LAIR1: variants seen among roughly 807,000 people sequenced by gnomAD.
LAIR1 encodes leukocyte associated immunoglobulin like receptor 1, also known as leukocyte-associated immunoglobulin-like receptor 1.
LAIR1 carries 24 observed loss-of-function variants against 32.8 expected under a neutral mutation model. That is an observed-to-expected ratio of 0.73 (90% confidence interval 0.53 to 1.03). LAIR1 has a LOEUF of 1.03. Ranked by LOEUF, LAIR1 falls within the 50% of genes least tolerant of loss-of-function variation. The pLI is 0.00. For synonymous variants in LAIR1, 150 were observed against 140.5 expected, an observed-to-expected ratio of 1.07 and a Z score of -0.48; for missense variants, 355 against 347.5, an observed-to-expected ratio of 1.02 and a Z score of -0.17.
upstream of LAIR1, among the ~76,000 whole-genome samples, chr19:54,373,423 G>A (rs1222343398): frequency 1.3e-5 from 2 of 151,958 alleles, no homozygotes; most frequent in Admixed American, 6.5e-5. Context: ...CAGCCAGGGT[G>A]ACAGAGCGAG....
In LAIR1 at chr19:54,356,982, C is replaced by A; in HGVS notation, c.416-16G>T. On this transcript the variant is annotated splice_polypyrimidine_tract_variant and intron_variant, in intron 4 of 9. Coordinates refer to ENST00000391742, the MANE Select transcript of LAIR1 (RefSeq NM_002287.6). ...TGCGTGGGTCCTGGGAGGGAGGAAT[C>A]AGAAGGAGGAGGAGTTAGAGTCCTG... is the stretch of plus-strand genomic sequence containing the variant. 1 of 1,613,208 alleles carries A rather than the reference C, an allele frequency of 6.2e-7. No homozygotes were observed. Among genetic ancestry groups the A allele is most frequent in the Non-Finnish European group, 8.5e-7 (1 of 1,179,528 alleles).
At position 54,355,336 on chromosome 19, in the gene LAIR1, C is replaced by G; in HGVS notation, c.796G>C (p.Ala266Pro). ...HWALTQRTAR[A>P]VSPQSTKPMA... ...GGCTTTGTGGACTGTGGGGACACAG[C>G]CCGGGCTGTCCTCTGTGTGAGGGCC... Residue 266 changes from alanine to proline, a missense_variant, in exon 10 of 10, where the codon GCT becomes CCT. Ala to Pro is a conservative substitution (Grantham distance 27). Transcript: ENST00000391742. This position sits in a 1 kb window ranked among gnomAD's most constrained non-coding sequence, Gnocchi z 4.7. The G allele has an allele frequency of 1.2e-6, 2 of 1,613,180 alleles. No homozygotes were observed. The highest frequency in any genetic ancestry group is 2.2e-5 in the South Asian group (2 of 91,018).
Position 54,355,890 on chromosome 19 carries a change from A to G in LAIR1, c.717+64T>C. 1 of 1,142,758 alleles carries G rather than the reference A, an allele frequency of 8.8e-7. No homozygotes were observed. The highest frequency in any genetic ancestry group is 1.3e-6 in the Non-Finnish European group (1 of 750,582). The allele number at this position is 1,142,758 out of a possible 1,614,324, so 70.8% of individuals were successfully genotyped here. A position where few individuals can be genotyped will look rare whatever the true frequency, so the allele number is the denominator to read the frequency against. On this transcript the variant is annotated intron_variant, in intron 9 of 9. Transcript: ENST00000391742. This position sits in a 1 kb window ranked among gnomAD's most constrained non-coding sequence, Gnocchi z 4.7. ...GAGCCACTCCTGAATTCCTAACCCA[A>G]GGAACTGAGATTTTTTTAAGCTGCT... is the stretch of plus-strand genomic sequence containing the variant.
intron 5 of LAIR1, 140 bp downstream of exon 5, chr19:54,356,788 C>A (rs1045188801): frequency 8.2e-7 from 1 of 1,224,716 alleles, no homozygotes; most frequent in Non-Finnish European, 1.2e-6. Flanking sequence ...CCACCGGGGT[C>A]CTGAGTGCTG....
chr19:54,356,935 G>T lies in LAIR1; in HGVS notation c.447C>A (p.His149Gln), dbSNP rs760385377. The change falls in exon 5 of 10, where the codon CAC becomes CAA. Residue 149 changes from histidine (H) to glutamine (Q), a missense_variant. Coordinates refer to ENST00000391742, the MANE Select transcript of LAIR1 (RefSeq NM_002287.6). ...ACGGCCCCCATCACTCACGCTCATTGTGACTGTTGTCCGACGGCCTCTGCG... is the reference window on the plus strand; with the variant it reads ...ACGGCCCCCATCACTCACGCTCATTTTGACTGTTGTCCGACGGCCTCTGCG... ...GPTQRPSDNS[H>Q]NEHAPASQGL... is the part of the protein sequence containing the mutation. 221 of 1,613,824 alleles carry T rather than the reference G, an allele frequency of 1.4e-4. No homozygotes were observed. The highest frequency in any genetic ancestry group is 1.8e-4 in the Non-Finnish European group (217 of 1,179,952).
upstream of LAIR1, chr19:54,368,664 T>C (rs2082326488): frequency 6.6e-6 from 1 of 151,990 alleles, no homozygotes; most frequent in African/African-American, 2.4e-5. Flanking sequence ...TGGTTCCTTT[T>C]TGATATGTAT....
upstream of LAIR1, among the ~76,000 whole-genome samples, chr19:54,367,403 CT>C (rs2082288410): frequency 6.6e-6 from 1 of 152,112 alleles, no homozygotes. Flanking sequence ...AGCAATCCAT[CT>C]AAAAAATAAC....
At chr19:54,372,629 T>A (rs2082435534), upstream of LAIR1, among the ~76,000 whole-genome samples, 1 of 150,714 alleles carries the variant, frequency 6.6e-6, no homozygotes, top group Non-Finnish European at 1.5e-5. Context: ...TAACTGGGAT[T>A]ACAGGCATGC....
rs547396985 is a variant in LAIR1, at chr19:54,355,794, G to A, written c.717+160C>T. On this transcript the variant is annotated intron_variant, in intron 9 of 9. Transcript: ENST00000391742. This position sits in a 1 kb window ranked among gnomAD's most constrained non-coding sequence, Gnocchi z 4.7. ...GATCCTCCAGCCCACGGGAGCCTTCGGATGCACACAGCCCTGGGCGACCTC... is the reference window on the plus strand; with the variant it reads ...GATCCTCCAGCCCACGGGAGCCTTCAGATGCACACAGCCCTGGGCGACCTC... Among the ~76,000 whole-genome samples the A allele has an allele frequency of 1.4e-4, 22 of 152,230 alleles. No homozygotes were observed. The highest frequency in any genetic ancestry group is 5.9e-4 in the Admixed American group (9 of 15,302).
upstream of LAIR1, among the ~76,000 whole-genome samples, chr19:54,369,207 C>T (rs887367903): frequency 4.0e-5 from 6 of 151,242 alleles, no homozygotes; most frequent in Admixed American, 2.6e-4. Flanking sequence ...TTTCCACTAA[C>T]GTTCTTTGCC....
Position 54,356,063 on chromosome 19 carries a change from C to A in LAIR1, c.665-57G>T, listed in dbSNP as rs189113807. ...GGGAGGATGTCGCAAGGCAAATCTG[C>A]CTGAGACCCCCACCCCCAGCTTCCG... On this transcript the variant is annotated intron_variant, in intron 8 of 9. Transcript: ENST00000391742. 6.0e-4 allele frequency: 843 copies of A among 1,401,450 alleles called. 13 individuals carry two copies. The East Asian group carries it at 0.018, about 30-fold the overall frequency. 86.8% of individuals were successfully genotyped at this position (1,401,450 alleles called of 1,614,324 possible). A position where few individuals can be genotyped will look rare whatever the true frequency, so the allele number is the denominator to read the frequency against.
chr19:54,361,131 C>G lies in LAIR1; in HGVS notation c.149G>C (p.Arg50Pro), dbSNP rs769312799. Reference sequence around the variant, plus strand: ...GAATGTTTGAACCCCAACCGGGCCCCGGCACACGAAAGTCACATGGCTCCC... The same window carrying G: ...GAATGTTTGAACCCCAACCGGGCCCGGGCACACGAAAGTCACATGGCTCCC... ...PLGSHVTFVC[R>P]GPVGVQTFRL... The change falls in exon 3 of 10, where the codon CGG (arginine) becomes CCG (proline). Residue 50 changes from arginine (R) to proline (P), a missense_variant. Coordinates refer to ENST00000391742, the MANE Select transcript of LAIR1 (RefSeq NM_002287.6). The G allele has an allele frequency of 5.0e-6, 8 of 1,614,088 alleles. No homozygotes were observed. The highest frequency in any genetic ancestry group is 1.1e-5 in the South Asian group (1 of 91,086).
upstream of LAIR1, among the ~76,000 whole-genome samples, chr19:54,371,748 T>C (rs1272936195): frequency 6.6e-6 from 1 of 151,648 alleles, no homozygotes; most frequent in Non-Finnish European, 1.5e-5. Flanking sequence ...ATTTAGCTTC[T>C]TCTGTTGCTC....
rs951219533 is a variant in LAIR1, at chr19:54,354,397, C to A, written c.*871G>T. ...GAAAACACTGACACCAATGTGAAGTCCTAAGATGAGCAAGTTCAGAATATC... is the reference window on the plus strand; with the variant it reads ...GAAAACACTGACACCAATGTGAAGTACTAAGATGAGCAAGTTCAGAATATC... On this transcript the variant is annotated 3_prime_UTR_variant, in exon 10 of 10. Coordinates refer to ENST00000391742, the MANE Select transcript of LAIR1 (RefSeq NM_002287.6). 1 of 152,194 alleles carries A rather than the reference C, an allele frequency of 6.6e-6. No homozygotes were observed. Among genetic ancestry groups the A allele is most frequent in the African/African-American group, 2.4e-5 (1 of 41,426 alleles). 9.4% of individuals were successfully genotyped at this position (152,194 alleles called of 1,614,324 possible). A position where few individuals can be genotyped will look rare whatever the true frequency, so the allele number is the denominator to read the frequency against.
chr19:54,367,517 T>C (rs1472562415), upstream of LAIR1, among the ~76,000 whole-genome samples: 1 of 151,860 alleles, frequency 6.6e-6, no homozygotes, highest in Non-Finnish European at 1.5e-5. Flanking sequence ...GAGGCCGAGG[T>C]GGGCAGATCA....
At chr19:54,361,778 T>C (rs1371893211) in intron 2 of LAIR1, among the ~76,000 whole-genome samples, 1 of 151,724 alleles carries the variant, frequency 6.6e-6, no homozygotes, top group African/African-American at 2.4e-5. Context: ...CAGGTCCCCA[T>C]TGCTAATGCA....
At chr19:54,374,989 C>T (rs1288228612), upstream of LAIR1, among the ~76,000 whole-genome samples, 2 of 152,102 alleles carry the variant, frequency 1.3e-5, no homozygotes, top group East Asian at 1.9e-4. Context: ...ACCGGAAAGA[C>T]TGACCCTCCT....
rs542481104 is a variant in LAIR1 at position 54,355,455 on chromosome 19, G to A, written c.718-41C>T. 103 of 1,547,568 alleles carry A rather than the reference G, an allele frequency of 6.7e-5. 1 individual carries two copies. In the South Asian group the frequency reaches 1.1e-3, roughly 17 times the overall value. ...CCAGGGTGAGGGAGTGCCTGGTGGA[G>A]GGTGAGACGAGGGGCTGTGGGGAGG... On this transcript the variant is annotated intron_variant, in intron 9 of 9. Transcript: ENST00000391742. This position sits in a 1 kb window ranked among gnomAD's most constrained non-coding sequence, Gnocchi z 4.7.
intron 3 of LAIR1, chr19:54,360,640 C>T (rs2081966040): frequency 1.9e-6 from 1 of 519,788 alleles, no homozygotes; most frequent in Non-Finnish European, 3.4e-6. Context: ...CCACTCCCCA[C>T]CCAGCCAAGC....
Sources: allele counts gnomAD v4.1 joint callset (sites outside exome capture counted in the v4.1 genomes callset), GRCh38; gene constraint gnomAD v4.1.1; non-coding constraint Gnocchi (gnomAD v3.1); transcripts MANE v1.5; gene names NCBI Gene and HGNC (gene_info 2026-07-23, HGNC 2026-07-21).